The following USF1 variants were observed in gnomAD, a reference collection of about 807,000 sequenced individuals.
USF1 encodes the protein upstream transcription factor 1.
A neutral mutation model predicts 46.3 loss-of-function variants in USF1; 22 were observed. The ratio of observed to expected loss-of-function variants is 0.47; its 90% CI spans 0.34 to 0.68. USF1 has a LOEUF of 0.68. Among genes scored for constraint, USF1 ranks in the 30% least tolerant of loss-of-function variants. USF1 has a pLI of 0.01. For missense variants in USF1, 287 were observed against 399.3 expected, an observed-to-expected ratio of 0.72 and a Z score of 2.40; for synonymous variants, 150 against 147.0, an observed-to-expected ratio of 1.02 and a Z score of -0.15.
Position 161,042,101 on chromosome 1 carries a change from G to A in USF1, c.276+15C>T. The A allele has an allele frequency of 1.2e-6, 2 of 1,607,786 alleles. No individual in the cohort carries two copies. Among genetic ancestry groups the A allele is most frequent in the Non-Finnish European group, 1.7e-6 (2 of 1,176,146 alleles). On this transcript the variant is annotated intron_variant, in intron 5 of 10. Transcript: ENST00000368021. ...TCTCAGAACTCTAGTGACCTCCCCAGCCCATACCCTGTACCTGGGTCATGG... is the reference window on the plus strand; with the variant it reads ...TCTCAGAACTCTAGTGACCTCCCCAACCCATACCCTGTACCTGGGTCATGG...
At chr1:161,044,801 G>C (rs926115374) in intron 1 of USF1, 1 of 152,338 alleles carries the variant, frequency 6.6e-6, no homozygotes, top group Non-Finnish European at 1.5e-5. Flanking sequence ...CAAAGAGCTG[G>C]GCAGACATGC....
At chr1:161,043,406 G>C (rs1399003376) in intron 1 of USF1, 46 bp from the exon 2 acceptor site, 3 of 1,430,590 alleles carry the variant, frequency 2.1e-6, no homozygotes, top group Non-Finnish European at 1.9e-6. Flanking sequence ...AAACAGAACA[G>C]TATCTCTGGT....
At chr1:161,042,501 T>A in intron 4 of USF1, 54 bp downstream of exon 4, 1 of 1,589,472 alleles carries the variant, frequency 6.3e-7, no homozygotes, top group Non-Finnish European at 8.6e-7. Context: ...TTCAATTACC[T>A]CCCTCAATCC....
chr1:161,042,659 T>C lies in USF1; in HGVS notation c.70A>G (p.Thr24Ala). Reference protein sequence around the residue: ...TVQIQEGAVATGEDPTSVAIA... With the variant: ...TVQIQEGAVAAGEDPTSVAIA... ...GCCACACTGGTTGGGTCTTCCCCAGTAGCCACTGCACCTGAATTAAAAGAA... is the reference window on the plus strand; with the variant it reads ...GCCACACTGGTTGGGTCTTCCCCAGCAGCCACTGCACCTGAATTAAAAGAA... The change falls in exon 4 of 11, where the codon ACT (threonine) becomes GCT (alanine). Residue 24 changes from threonine to alanine, a missense_variant. By Grantham distance (58) the Thr-to-Ala change is moderately conservative. Transcript: ENST00000368021. The C allele has an allele frequency of 6.2e-7, 1 of 1,614,196 alleles. No homozygotes were observed. Among genetic ancestry groups the C allele is most frequent in the Non-Finnish European group, 8.5e-7 (1 of 1,180,028 alleles).
intron 6 of USF1, 54 bp from the exon 7 acceptor site, chr1:161,041,465 C>G (rs1391137974): frequency 3.2e-6 from 5 of 1,570,166 alleles, no homozygotes; most frequent in Non-Finnish European, 4.4e-6. Flanking sequence ...CCTCACCAAG[C>G]CCTGAGGTGA....
intron 1 of USF1, chr1:161,044,853 A>G (rs1279029826): frequency 6.6e-6 from 1 of 152,580 alleles, no homozygotes; most frequent in Admixed American, 6.5e-5. Flanking sequence ...CAATAAGATA[A>G]TCCCAACACA....
At position 161,040,568 on chromosome 1, in the gene USF1, T is replaced by C. The variant is rs368917798; in HGVS notation, c.714+8A>G. 1.3e-4 allele frequency: 204 copies of C among 1,611,410 alleles called. No individual in the cohort carries two copies. The highest frequency in any genetic ancestry group is 1.6e-4 in the Non-Finnish European group (191 of 1,179,302). ...GCATCCTGCCCACTACCAGGGTCTT[T>C]CCATGACCTGGCCAGACTTGGTGCT... On this transcript the variant is annotated splice_region_variant and intron_variant, in intron 9 of 10. Transcript: ENST00000368021. The surrounding 1 kb of genome is among the most constrained non-coding windows in gnomAD (Gnocchi z 4.0).
chr1:161,039,931 C>G lies in USF1; in HGVS notation c.922G>C (p.Asp308His). ...CTGAATCCCCATAGTTAGTTGCTGT[C>G]ATTCTTGATGACGACCTCTAATCCG... ...HHGLEVVIKNDSN is the reference protein window; with the variant it reads ...HHGLEVVIKNHSN The change falls in exon 11 of 11, where the codon GAC becomes CAC. Residue 308 changes from aspartate to histidine, a missense_variant. By Grantham distance (81) the Asp-to-His change is moderately conservative. Coordinates refer to ENST00000368021, the MANE Select transcript of USF1 (RefSeq NM_007122.5). The G allele has an allele frequency of 6.2e-7, 1 of 1,614,168 alleles. No homozygotes were observed. The highest frequency in any genetic ancestry group is 8.5e-7 in the Non-Finnish European group (1 of 1,180,032).
Position 161,040,988 on chromosome 1 carries a change from G to C in USF1, c.561-116C>G, listed in dbSNP as rs1571047168. The C allele has an allele frequency of 3.0e-6, 4 of 1,329,774 alleles. No homozygotes were observed. The East Asian group carries it at 9.6e-5, about 32-fold the overall frequency. The allele number at this position is 1,329,774 out of a possible 1,614,324, so 82.4% of individuals were successfully genotyped here. A position where few individuals can be genotyped will look rare whatever the true frequency, so the allele number is the denominator to read the frequency against. The stretch of plus-strand genomic sequence containing the variant: ...TTAGGACCACTTATGGTAGCTAGGT[G>C]TGGTGTCTCACACCTGTAATCCCAG... On this transcript the variant is annotated intron_variant, in intron 7 of 10. Transcript: ENST00000368021. This position sits in a 1 kb window ranked among gnomAD's most constrained non-coding sequence, Gnocchi z 4.0.
At position 161,042,224 on chromosome 1, in the gene USF1, G is replaced by A; in HGVS notation, c.175-7C>T. On this transcript the variant is annotated splice_region_variant and splice_polypyrimidine_tract_variant and intron_variant, in intron 4 of 10. Coordinates refer to ENST00000368021, the MANE Select transcript of USF1 (RefSeq NM_007122.5). The stretch of plus-strand genomic sequence containing the variant: ...GGATCACCCTGTACATCACCTAGAA[G>A]TGTAGAGGAAGGCAGAGGGAGTGAA... 6.2e-7 allele frequency: 1 copy of A among 1,608,496 alleles called. No homozygotes were observed. Among genetic ancestry groups the A allele is most frequent in the African/African-American group, 1.3e-5 (1 of 74,776 alleles).
chr1:161,040,507 C>T lies in USF1; in HGVS notation c.714+69G>A. The T allele has an allele frequency of 6.3e-7, 1 of 1,582,722 alleles. No individual in the cohort carries two copies. Among genetic ancestry groups the T allele is most frequent in the South Asian group, 1.1e-5 (1 of 88,436 alleles). On this transcript the variant is annotated intron_variant, in intron 9 of 10. Transcript: ENST00000368021. The surrounding 1 kb of genome is among the most constrained non-coding windows in gnomAD (Gnocchi z 4.0). ...ACTGTCATGTGTGCCCCTCTCTCTACCATTTCTGGAAACAATACCAGGAGG... is the reference window on the plus strand; with the variant it reads ...ACTGTCATGTGTGCCCCTCTCTCTATCATTTCTGGAAACAATACCAGGAGG...
rs1339933825 is a variant in USF1, at chr1:161,040,993, G to A, written c.561-121C>T. On this transcript the variant is annotated intron_variant, in intron 7 of 10. Coordinates refer to ENST00000368021, the MANE Select transcript of USF1 (RefSeq NM_007122.5). The surrounding 1 kb of genome is among the most constrained non-coding windows in gnomAD (Gnocchi z 4.0). ...ACCACTTATGGTAGCTAGGTGTGGT[G>A]TCTCACACCTGTAATCCCAGCACTT... 3 of 1,296,174 alleles carry A rather than the reference G, an allele frequency of 2.3e-6. No individual in the cohort carries two copies. The highest frequency in any genetic ancestry group is 3.0e-5 in the African/African-American group (2 of 67,662). The allele number at this position is 1,296,174 out of a possible 1,614,324, so 80.3% of individuals were successfully genotyped here.
rs1227661641 is a variant in USF1, at chr1:161,039,664, T to G, written c.*256A>C. 1 of 518,302 alleles carries G rather than the reference T, an allele frequency of 1.9e-6. No individual in the cohort carries two copies. Among genetic ancestry groups the G allele is most frequent in the East Asian group, 3.4e-5 (1 of 29,038 alleles). 32.1% of individuals were successfully genotyped at this position (518,302 alleles called of 1,614,324 possible). ...CAGTATCCAGCATGGAGACAGCACA[T>G]GCATTGTGCGAGAGGAGCACAAGGG... On this transcript the variant is annotated 3_prime_UTR_variant, in exon 11 of 11. Transcript: ENST00000368021.
rs1650486271 is a variant in USF1 at position 161,040,295 on chromosome 1, A to G, written c.750T>C (p.Tyr250=). The change falls in exon 10 of 11, where the codon TAT becomes TAC. Residue 250 remains tyrosine (Y), a synonymous_variant. Transcript: ENST00000368021. This position sits in a 1 kb window ranked among gnomAD's most constrained non-coding sequence, Gnocchi z 4.0. ...KGGILSKACD[Y]IQELRQSNHR... ...GGTTACTCTGCCGAAGCTCCTGGATATAATCACAAGCTTTGGATAGAATCC... is the reference window on the plus strand; with the variant it reads ...GGTTACTCTGCCGAAGCTCCTGGATGTAATCACAAGCTTTGGATAGAATCC... 3 of 1,614,184 alleles carry G rather than the reference A, an allele frequency of 1.9e-6. No individual in the cohort carries two copies. Among genetic ancestry groups the G allele is most frequent in the African/African-American group, 2.7e-5 (2 of 75,028 alleles).
intron 1 of USF1, among the ~76,000 whole-genome samples, chr1:161,045,588 G>A (rs1303654572): frequency 6.6e-6 from 1 of 152,186 alleles, no homozygotes; most frequent in Non-Finnish European, 1.5e-5. Flanking sequence ...AAAGGGCCTC[G>A]GGGACTAGGG....
rs368360944 is a variant in USF1, at chr1:161,040,877, C to A, written c.561-5G>T. 6.2e-7 allele frequency: 1 copy of A among 1,613,940 alleles called. No homozygotes were observed. The highest frequency in any genetic ancestry group is 8.5e-7 in the Non-Finnish European group (1 of 1,180,024). On this transcript the variant is annotated splice_region_variant and splice_polypyrimidine_tract_variant and intron_variant, in intron 7 of 10. Transcript: ENST00000368021. The surrounding 1 kb of genome is among the most constrained non-coding windows in gnomAD (Gnocchi z 4.0). Reference sequence around the variant, plus strand: ...GTCCGGGGAGCTTCTGACTTCCTGACAACAGAGCCCAGGGTGGCCAGAGTA... The same window carrying A: ...GTCCGGGGAGCTTCTGACTTCCTGAAAACAGAGCCCAGGGTGGCCAGAGTA...
At chr1:161,042,953 A>G in intron 2 of USF1, 71 bp from the exon 3 acceptor site, 7 of 1,601,574 alleles carry the variant, frequency 4.4e-6, no homozygotes, top group Non-Finnish European at 6.0e-6. Context: ...GCCCAGTAAC[A>G]TATGGCTGCA....
intron 5 of USF1, 80 bp downstream of exon 5, chr1:161,042,036 G>C (rs1292511108): frequency 1.4e-6 from 2 of 1,476,354 alleles, no homozygotes; most frequent in African/African-American, 2.8e-5. Context: ...ACTGTTCCTA[G>C]CTTCACCCCC....
intron 1 of USF1, among the ~76,000 whole-genome samples, chr1:161,043,996 A>G (rs1650692762): frequency 7.6e-6 from 1 of 131,502 alleles, no homozygotes; most frequent in Non-Finnish European, 1.5e-5. Context: ...CCCAGGCTGG[A>G]GTGCAGTGGC....
Sources: allele counts gnomAD v4.1 joint callset (sites outside exome capture counted in the v4.1 genomes callset), GRCh38; gene constraint gnomAD v4.1.1; non-coding constraint Gnocchi (gnomAD v3.1); transcripts MANE v1.5; gene names NCBI Gene and HGNC (gene_info 2026-07-23, HGNC 2026-07-21).